The following FAM83H variants were observed in gnomAD, a reference collection of about 807,000 sequenced individuals.
The protein encoded by FAM83H is protein FAM83H.
Under a neutral mutation model 30.2 loss-of-function variants are expected in FAM83H, and 24 were observed. The observed-to-expected ratio is 0.79, with a 90% CI of 0.57 to 1.12. The LOEUF (loss-of-function observed/expected upper bound fraction) is 1.12, where lower values mean the gene tolerates loss of function less well. Ranked by LOEUF, FAM83H falls within the 50% of genes most tolerant of loss-of-function variation. The probability of loss-of-function intolerance (pLI) is 0.00; values close to 1 mark genes in which losing one functional copy is unlikely to be tolerated. For synonymous variants in FAM83H, 1,013 were observed against 821.7 expected, an observed-to-expected ratio of 1.23 and a Z score of -3.98; for missense variants, 2,038 against 1,773.9, an observed-to-expected ratio of 1.15 and a Z score of -2.67.
intron 1 of FAM83H, chr8:143,732,639 C>T (rs2129709087): frequency 1.0e-6 from 1 of 985,402 alleles, no homozygotes; most frequent in South Asian, 4.7e-5. Flanking sequence ...CATGCCTCGT[C>T]CTCACAGGGT....
In FAM83H at chr8:143,727,278, G is replaced by A; in HGVS notation, c.2183C>T (p.Ser728Phe). ...TLGPGGEAVR[S>F]AASTKVAELL... Reference sequence around the variant, plus strand: ...CTCCGCCACCTTGGTGGAAGCCGCGGAGCGCACGGCCTCTCCGCCGGGCCC... The same window carrying A: ...CTCCGCCACCTTGGTGGAAGCCGCGAAGCGCACGGCCTCTCCGCCGGGCCC... Residue 728 changes from serine (S) to phenylalanine (F), a missense_variant, in exon 5 of 5, where the codon TCC becomes TTC. By Grantham distance (155) the Ser-to-Phe change is radical (BLOSUM62 -2). Transcript: ENST00000388913. 3 of 1,536,010 alleles carry A rather than the reference G, an allele frequency of 2.0e-6. No homozygotes were observed. Among genetic ancestry groups the A allele is most frequent in the Non-Finnish European group, 8.7e-7 (1 of 1,146,868 alleles).
Position 143,726,235 on chromosome 8 carries a change from C to A in FAM83H, c.3226G>T (p.Ala1076Ser). ...HNSPELGRPP[A>S]AGVLAPDMSD... ...ATATCTGGGGCCAGGACGCCAGCAGCCGGTGGACGGCCTAGCTCGGGGCTG... is the reference window on the plus strand; with the variant it reads ...ATATCTGGGGCCAGGACGCCAGCAGACGGTGGACGGCCTAGCTCGGGGCTG... Residue 1076 changes from alanine to serine, a missense_variant, in exon 5 of 5, where the codon GCT (alanine) becomes TCT (serine). Ala to Ser is a moderately conservative substitution (Grantham distance 99). Transcript: ENST00000388913. 1 of 1,612,300 alleles carries A rather than the reference C, an allele frequency of 6.2e-7. No individual in the cohort carries two copies. Among genetic ancestry groups the A allele is most frequent in the South Asian group, 1.1e-5 (1 of 91,046 alleles).
In FAM83H at chr8:143,727,887, G is replaced by A; in HGVS notation, c.1574C>T (p.Pro525Leu). Residue 525 changes from proline to leucine, a missense_variant, in exon 5 of 5, where the codon CCC (proline) becomes CTC (leucine). Coordinates refer to ENST00000388913, the MANE Select transcript of FAM83H (RefSeq NM_198488.5). The part of the protein sequence containing the change: ...ASREVRHGSD[P>L]AFAPGPRGLE... ...GCCGCGGGGTCCGGGCGCGAAGGCG[G>A]GGTCCGAGCCGTGGCGCACCTCGCG... The A allele has an allele frequency of 7.2e-7, 1 of 1,397,190 alleles. No individual in the cohort carries two copies. The highest frequency in any genetic ancestry group is 9.2e-7 in the Non-Finnish European group (1 of 1,086,004). 86.5% of individuals were successfully genotyped at this position (1,397,190 alleles called of 1,614,324 possible).
At position 143,728,367 on chromosome 8, in the gene FAM83H, C is replaced by A. The variant is rs1285519054; in HGVS notation, c.1094G>T (p.Gly365Val). The stretch of plus-strand genomic sequence containing the variant: ...CAGCCCCGCGTGCGGTTCCAGCGCG[C>A]CCCCCGGCATCCGCGGCGGCTCCTC... ...RREEPPRMPGGALEPHAGLRP... is the reference protein window; with the variant it reads ...RREEPPRMPGVALEPHAGLRP... Residue 365 changes from glycine (G) to valine (V), a missense_variant, in exon 5 of 5, where the codon GGC (glycine) becomes GTC (valine). Transcript: ENST00000388913. 4.5e-6 allele frequency: 7 copies of A among 1,542,166 alleles called. No individual in the cohort carries two copies. The highest frequency in any genetic ancestry group is 1.9e-4 in the Middle Eastern group (1 of 5,176).
chr8:143,727,145 C>A lies in FAM83H; in HGVS notation c.2316G>T (p.Glu772Asp). 1 of 1,534,312 alleles carries A rather than the reference C, an allele frequency of 6.5e-7. No individual in the cohort carries two copies. The highest frequency in any genetic ancestry group is 8.7e-7 in the Non-Finnish European group (1 of 1,146,120). ...CCCCCACGGCACCTGGGGCCGCCAC[C>A]TCTTCCCGCCACGCCTGGGACACGA... ...KAVVSQAWREEVAAPGAVGGE... is the reference protein window; with the variant it reads ...KAVVSQAWREDVAAPGAVGGE... The change falls in exon 5 of 5, where the codon GAG becomes GAT. Residue 772 changes from glutamate (E) to aspartate (D), a missense_variant. Glu to Asp is a conservative substitution (Grantham distance 45). Coordinates refer to ENST00000388913, the MANE Select transcript of FAM83H (RefSeq NM_198488.5).
Position 143,733,078 on chromosome 8 carries a change from G to A in FAM83H, c.-16+613C>T. Reference sequence around the variant, plus strand: ...CGGAGGCTCTAGGCGGCGGAAAGGTGGGGTGCGGAGGACGGGGCTCACAGA... The same window carrying A: ...CGGAGGCTCTAGGCGGCGGAAAGGTAGGGTGCGGAGGACGGGGCTCACAGA... On this transcript the variant is annotated intron_variant, in intron 1 of 4. Coordinates refer to ENST00000388913, the MANE Select transcript of FAM83H (RefSeq NM_198488.5). This position sits in a 1 kb window ranked among gnomAD's most constrained non-coding sequence, Gnocchi z 5.6. 2 of 154,730 alleles carry A rather than the reference G, an allele frequency of 1.3e-5. No homozygotes were observed. The highest frequency in any genetic ancestry group is 1.0e-3 in the Middle Eastern group (2 of 1,920). 9.6% of individuals were successfully genotyped at this position (154,730 alleles called of 1,614,324 possible). A position where few individuals can be genotyped will look rare whatever the true frequency, so the allele number is the denominator to read the frequency against.
chr8:143,725,954 G>C lies in FAM83H; in HGVS notation c.3507C>G (p.Pro1169=), dbSNP rs1554621470. 7.4e-6 allele frequency: 12 copies of C among 1,612,990 alleles called. No homozygotes were observed. Among genetic ancestry groups the C allele is most frequent in the Non-Finnish European group, 9.3e-6 (11 of 1,179,940 alleles). ...TGCTTTTGAACGTGCCCAGGATCTTGGGCACGAACTTGCCCACCTTGCTGT... is the reference window on the plus strand; with the variant it reads ...TGCTTTTGAACGTGCCCAGGATCTTCGGCACGAACTTGCCCACCTTGCTGT... ...TRDSKVGKFV[P]KILGTFKSKK is the part of the protein sequence containing the mutation. Residue 1169 remains proline, a synonymous_variant, in exon 5 of 5, where the codon CCC becomes CCG. Transcript: ENST00000388913.
At position 143,725,914 on chromosome 8, in the gene FAM83H, A is replaced by C; in HGVS notation, c.*7T>G. 6.2e-7 allele frequency: 1 copy of C among 1,612,568 alleles called. No homozygotes were observed. The highest frequency in any genetic ancestry group is 8.5e-7 in the Non-Finnish European group (1 of 1,179,812). ...GCACCCTGGCCTGGGTTGCCAGGCC[A>C]GAAGACTCACTTCTTGCTTTTGAAC... On this transcript the variant is annotated 3_prime_UTR_variant, in exon 5 of 5. Coordinates refer to ENST00000388913, the MANE Select transcript of FAM83H (RefSeq NM_198488.5).
Position 143,729,231 on chromosome 8 carries a change from C to T in FAM83H, c.540G>A (p.Leu180=), listed in dbSNP as rs781955693. The T allele has an allele frequency of 6.8e-6, 11 of 1,613,390 alleles. No homozygotes were observed. Among genetic ancestry groups the T allele is most frequent in the African/African-American group, 5.3e-5 (4 of 74,886 alleles). The change falls in exon 3 of 5, where the codon CTG becomes CTA. Residue 180 remains leucine, a synonymous_variant. Coordinates refer to ENST00000388913, the MANE Select transcript of FAM83H (RefSeq NM_198488.5). The part of the protein sequence containing the change: ...AAARRVPVYI[L]LDEMNAQHFL... ...AGTGCTGCGCGTTCATCTCATCCAG[C>T]AGGATGTAGACTGGGACCCGACGGG...
chr8:143,732,775 G>A, intron 1 of FAM83H: 1 of 977,648 alleles, frequency 1.0e-6, no homozygotes, highest in Non-Finnish European at 1.2e-6. Flanking sequence ...TGGCCTGCAT[G>A]CCCACACATT....
rs1480757048 is a variant in FAM83H at position 143,728,394 on chromosome 8, C to T, written c.1067G>A (p.Arg356Gln). The change falls in exon 5 of 5, where the codon CGG becomes CAG. Residue 356 changes from arginine (R) to glutamine (Q), a missense_variant. Coordinates refer to ENST00000388913, the MANE Select transcript of FAM83H (RefSeq NM_198488.5). ...PDRHFLSAFR[R>Q]EEPPRMPGGA... Reference sequence around the variant, plus strand: ...CCCCGGCATCCGCGGCGGCTCCTCCCGGCGGAAGGCCGACAGGAAGTGGCG... The same window carrying T: ...CCCCGGCATCCGCGGCGGCTCCTCCTGGCGGAAGGCCGACAGGAAGTGGCG... 3.2e-6 allele frequency: 5 copies of T among 1,546,728 alleles called. No homozygotes were observed. The highest frequency in any genetic ancestry group is 2.0e-5 in the Admixed American group (1 of 50,850).
At position 143,729,064 on chromosome 8, in the gene FAM83H, G is replaced by A. The variant is rs782201927; in HGVS notation, c.640C>T (p.Pro214Ser). 18 of 1,613,578 alleles carry A rather than the reference G, an allele frequency of 1.1e-5. No homozygotes were observed. The South Asian group carries it at 1.4e-4, about 13-fold the overall frequency. Residue 214 changes from proline (P) to serine (S), a missense_variant, in exon 4 of 5, where the codon CCC becomes TCC. By Grantham distance (74) the Pro-to-Ser change is moderately conservative. Coordinates refer to ENST00000388913, the MANE Select transcript of FAM83H (RefSeq NM_198488.5). ...DFLRVRTVAG[P>S]TYYCRTGKSF... ...TTCCCAGTGCGGCAGTAGTAGGTGG[G>A]GCCCGCCACAGTCCGTACGCGCAGG...
In FAM83H at chr8:143,728,738, G is replaced by A. The variant is rs782310117; in HGVS notation, c.738-15C>T. The A allele has an allele frequency of 1.9e-6, 3 of 1,598,734 alleles. No individual in the cohort carries two copies. Among genetic ancestry groups the A allele is most frequent in the Non-Finnish European group, 2.5e-6 (3 of 1,179,880 alleles). On this transcript the variant is annotated splice_polypyrimidine_tract_variant and intron_variant, in intron 4 of 4. Coordinates refer to ENST00000388913, the MANE Select transcript of FAM83H (RefSeq NM_198488.5). ...ACCACATGAAGCTGTGGGGGGGTCAGGGCCAGAGTCAAACCGAGCTGGAGC... is the reference window on the plus strand; with the variant it reads ...ACCACATGAAGCTGTGGGGGGGTCAAGGCCAGAGTCAAACCGAGCTGGAGC...
chr8:143,726,190 AAC>A lies in FAM83H; in HGVS notation c.3269_3270del (p.Cys1090PhefsTer122). On this transcript the variant is annotated frameshift_variant, in exon 5 of 5. Coordinates refer to ENST00000388913, the MANE Select transcript of FAM83H (RefSeq NM_198488.5). LOFTEE classifies it high-confidence loss of function. ...AAGCTGTCCGAGCGGAAGATGGCTG[AAC>A]ACTTGTCCTTGTCGGACATATCTGG... ...LAPDMSDKDKCSAIFRSDSLG... is the reference protein window; with the variant it reads ...LAPDMSDKDKXSAIFRSDSLG... 6.2e-7 allele frequency: 1 copy of A among 1,612,364 alleles called. No homozygotes were observed.
At position 143,728,663 on chromosome 8, in the gene FAM83H, C is replaced by G. The variant is rs1554623551; in HGVS notation, c.798G>C (p.Leu266=). Residue 266 remains leucine, a synonymous_variant, in exon 5 of 5, where the codon CTG becomes CTC. Coordinates refer to ENST00000388913, the MANE Select transcript of FAM83H (RefSeq NM_198488.5). ...RSLAHVFQGE[L]VSSFDEEFRI... is the part of the protein sequence containing the mutation. ...GGAACTCCTCGTCGAAGCTGGAGACCAGCTCTCCTTGGAACACGTGCGCCA... is the reference window on the plus strand; with the variant it reads ...GGAACTCCTCGTCGAAGCTGGAGACGAGCTCTCCTTGGAACACGTGCGCCA... 1 of 1,605,014 alleles carries G rather than the reference C, an allele frequency of 6.2e-7. No individual in the cohort carries two copies. Among genetic ancestry groups the G allele is most frequent in the Non-Finnish European group, 8.5e-7 (1 of 1,179,884 alleles).
At position 143,725,623 on chromosome 8, in the gene FAM83H, C is replaced by A; in HGVS notation, c.*298G>T. 3.7e-6 allele frequency: 2 copies of A among 543,710 alleles called. No homozygotes were observed. The highest frequency in any genetic ancestry group is 3.2e-5 in the East Asian group (1 of 31,700). The allele number at this position is 543,710 out of a possible 1,614,324, so 33.7% of individuals were successfully genotyped here. A position where few individuals can be genotyped will look rare whatever the true frequency, so the allele number is the denominator to read the frequency against. ...GGGGGACTGAGGCACAAAGAGATGG[C>A]GGAGCCAGACGCTGCGCCACGCAAG... On this transcript the variant is annotated 3_prime_UTR_variant, in exon 5 of 5. Coordinates refer to ENST00000388913, the MANE Select transcript of FAM83H (RefSeq NM_198488.5).
At position 143,730,336 on chromosome 8, in the gene FAM83H, G is replaced by T. The variant is rs782395020; in HGVS notation, c.247C>A (p.Leu83Ile). ...GAGCCATCCATGTCCACGTCGAGAAGGCTGCCTTCAGGTGGCTCTCGGGTA... is the reference window on the plus strand; with the variant it reads ...GAGCCATCCATGTCCACGTCGAGAATGCTGCCTTCAGGTGGCTCTCGGGTA... ...YVTREPPEGSLLDVDMDGSSG... is the reference protein window; with the variant it reads ...YVTREPPEGSILDVDMDGSSG... Residue 83 changes from leucine to isoleucine, a missense_variant, in exon 2 of 5, where the codon CTT becomes ATT. Leu to Ile is a conservative substitution (Grantham distance 5). Coordinates refer to ENST00000388913, the MANE Select transcript of FAM83H (RefSeq NM_198488.5). 19 of 1,613,712 alleles carry T rather than the reference G, an allele frequency of 1.2e-5. No individual in the cohort carries two copies. In the Admixed American group the frequency reaches 2.5e-4, roughly 21 times the overall value.
rs376662947 is a variant in FAM83H at position 143,726,404 on chromosome 8, C to T, written c.3057G>A (p.Pro1019=). Residue 1019 remains proline, a synonymous_variant, in exon 5 of 5, where the codon CCG becomes CCA. Transcript: ENST00000388913. ...CCGTGGCTGAGGACAGGCGCGCCCG[C>T]GGACCCCGCTCTTCTGTGGCAGCCT... ...STEAATEERG[P]RARLSSATAN... 3 of 1,605,904 alleles carry T rather than the reference C, an allele frequency of 1.9e-6. No homozygotes were observed. Among genetic ancestry groups the T allele is most frequent in the Non-Finnish European group, 2.5e-6 (3 of 1,177,920 alleles).
At chr8:143,728,785 G>A (rs1333490727) in intron 4 of FAM83H, 62 bp from the exon 5 acceptor site, 3 of 1,598,232 alleles carry the variant, frequency 1.9e-6, no homozygotes, top group Non-Finnish European at 2.5e-6. Flanking sequence ...AGCCCCGTGG[G>A]CAGCGGGTGG....
Sources: gnomAD v4.1 joint callset for allele counts on GRCh38, gnomAD v4.1.1 for gene constraint, Gnocchi (gnomAD v3.1) non-coding constraint, MANE v1.5 for transcripts, NCBI Gene and HGNC (gene_info 2026-07-23, HGNC 2026-07-21) for gene names.